The following PTPRN2 variants were observed in gnomAD, a reference collection of about 807,000 sequenced individuals.
PTPRN2 encodes receptor-type tyrosine-protein phosphatase N2.
A neutral mutation model predicts 118.8 loss-of-function variants in PTPRN2; 74 were observed. The observed-to-expected ratio is 0.62, with a 90% CI of 0.52 to 0.76. The LOEUF (loss-of-function observed/expected upper bound fraction) is 0.76. Among genes scored for constraint, PTPRN2 ranks in the 30% least tolerant of loss-of-function variants. The pLI, the probability that PTPRN2 is intolerant of heterozygous loss-of-function variation, is 0.00. For missense variants in PTPRN2, 1,481 were observed against 1,394.4 expected (o/e 1.06, Z -0.99); for synonymous variants, 641 against 608.0 (o/e 1.05, Z -0.80).
At chr7:157,725,244 C>A (rs994027088) in intron 12 of PTPRN2, among the ~76,000 whole-genome samples, 3 of 141,562 alleles carry the variant, frequency 2.1e-5, no homozygotes, top group African/African-American at 5.8e-5. Flanking sequence ...AACTGGATAT[C>A]CACATGCAGA....
At chr7:157,755,889 GAAA>G (rs1344157626) in intron 12 of PTPRN2, among the ~76,000 whole-genome samples, 1 of 152,068 alleles carries the variant, frequency 6.6e-6, no homozygotes, top group African/African-American at 2.4e-5. Flanking sequence ...AAATAAATTT[GAAA>G]AAAAGAAGAA....
intron 11 of PTPRN2, among the ~76,000 whole-genome samples, chr7:157,908,593 A>G (rs1217097538): frequency 6.6e-6 from 1 of 152,088 alleles, no homozygotes; most frequent in Non-Finnish European, 1.5e-5. Context: ...AATCCCTTTC[A>G]CTTTTCCACG....
intron 3 of PTPRN2, among the ~76,000 whole-genome samples, chr7:158,292,724 T>C (rs1225626157): frequency 2.0e-5 from 3 of 152,234 alleles, no homozygotes; most frequent in African/African-American, 7.2e-5. Flanking sequence ...CAAGGTTAAG[T>C]ATCTGTGTAT....
intron 17 of PTPRN2, among the ~76,000 whole-genome samples, chr7:157,588,107 C>G (rs564535424): frequency 6.6e-6 from 1 of 152,208 alleles, no homozygotes; most frequent in Non-Finnish European, 1.5e-5. Flanking sequence ...ACATCCACTC[C>G]GCACCTGATG....
chr7:157,658,309 G>A (rs1795699245), intron 13 of PTPRN2, among the ~76,000 whole-genome samples: 1 of 152,168 alleles, frequency 6.6e-6, no homozygotes, highest in Non-Finnish European at 1.5e-5. Context: ...ATGTCCAAGA[G>A]CCCATGCAAG....
intron 12 of PTPRN2, among the ~76,000 whole-genome samples, chr7:157,776,484 TCCCTCTCCTTCTCC>T (rs1803272832): frequency 6.9e-6 from 1 of 144,846 alleles, no homozygotes; most frequent in African/African-American, 2.6e-5. Context: ...CCTCTCCTCC[TCCCTCTCCTTCTCC>T]CTCTCCTCCT....
chr7:158,419,100 C>A (rs6459879), intron 2 of PTPRN2, among the ~76,000 whole-genome samples: 24 of 152,014 alleles, frequency 1.6e-4, no homozygotes, highest in Admixed American at 1.0e-3. Flanking sequence ...GACTCTGACC[C>A]TCTTGCCATC....
chr7:158,385,773 T>G (rs529227837), intron 2 of PTPRN2, among the ~76,000 whole-genome samples: 1 of 152,162 alleles, frequency 6.6e-6, no homozygotes, highest in Non-Finnish European at 1.5e-5. Flanking sequence ...AGGAAGAAGA[T>G]GGGTTGGTGA....
intron 6 of PTPRN2, among the ~76,000 whole-genome samples, chr7:158,140,966 C>T (rs573999867): frequency 3.3e-5 from 5 of 152,326 alleles, no homozygotes; most frequent in African/African-American, 1.2e-4. Flanking sequence ...TCTCTACCTT[C>T]CCGAACGACA....
At chr7:157,593,262 G>A (rs2150559919) in intron 17 of PTPRN2, among the ~76,000 whole-genome samples, 1 of 150,794 alleles carries the variant, frequency 6.6e-6, no homozygotes, top group East Asian at 2.0e-4. Context: ...GTTGCGCGTG[G>A]ACACCGAGAG....
At chr7:158,150,494 C>G (rs999821544) in intron 6 of PTPRN2, among the ~76,000 whole-genome samples, 1 of 152,172 alleles carries the variant, frequency 6.6e-6, no homozygotes, top group Non-Finnish European at 1.5e-5. Flanking sequence ...CTGCACTGAC[C>G]TTCACTGCAA....
intron 2 of PTPRN2, among the ~76,000 whole-genome samples, chr7:158,326,969 A>G (rs1586273975): frequency 6.6e-6 from 1 of 151,020 alleles, no homozygotes; most frequent in South Asian, 2.1e-4. Context: ...ACACGCACAC[A>G]TTCACATGCA....
chr7:158,271,114 A>T (rs1224881548), intron 3 of PTPRN2, among the ~76,000 whole-genome samples: 1 of 135,580 alleles, frequency 7.4e-6, no homozygotes. Flanking sequence ...CTCCACCTGG[A>T]CCACCCCCTC....
chr7:157,906,032 C>T (rs1797752463), intron 11 of PTPRN2, among the ~76,000 whole-genome samples: 1 of 152,240 alleles, frequency 6.6e-6, no homozygotes, highest in Admixed American at 6.5e-5. Flanking sequence ...GGGTCAGCAT[C>T]TCCGGGTAAT....
intron 9 of PTPRN2, among the ~76,000 whole-genome samples, chr7:158,128,287 G>A (rs1817864594): frequency 6.6e-6 from 1 of 152,200 alleles, no homozygotes; most frequent in East Asian, 1.9e-4. Flanking sequence ...ACCTCACCTA[G>A]TGCATCACAC....
intron 16 of PTPRN2, among the ~76,000 whole-genome samples, chr7:157,595,745 C>T (rs1801298761): frequency 6.6e-6 from 1 of 152,178 alleles, no homozygotes; most frequent in South Asian, 2.1e-4. Context: ...GGTGGCATCT[C>T]CTGAACTGAG....
At chr7:158,145,208 T>A (rs536026537) in intron 6 of PTPRN2, among the ~76,000 whole-genome samples, 1 of 148,876 alleles carries the variant, frequency 6.7e-6, no homozygotes, top group East Asian at 2.0e-4. Flanking sequence ...TCGGCAAGGT[T>A]TCCCTCACAT....
chr7:157,907,051 G>A (rs1032126896), intron 11 of PTPRN2, among the ~76,000 whole-genome samples: 3 of 152,226 alleles, frequency 2.0e-5, no homozygotes, highest in African/African-American at 7.2e-5. Context: ...AGCAGCCATG[G>A]AAGCTGTCAC....
rs1175764576 is a variant in PTPRN2, at chr7:158,489,738, T to C, written c.160A>G (p.Asn54Asp). Residue 54 changes from asparagine (N) to aspartate (D), a missense_variant, in exon 2 of 23, where the codon AAC (asparagine) becomes GAC (aspartate). Around this residue, in one of 3 missense-constraint regions of PTPRN2, gnomAD observed 1,115 missense variants for 994.2 expected, o/e 1.12. Transcript: ENST00000389418. ...GLCGASEACV[N>D]DGVFGRCQKV... ...GCAGCCAGGACCCCACACTCACCGTTCACACAGGCCTCGGACGCTCCGCAG... is the reference window on the plus strand; with the variant it reads ...GCAGCCAGGACCCCACACTCACCGTCCACACAGGCCTCGGACGCTCCGCAG... 1 of 1,582,582 alleles carries C rather than the reference T, an allele frequency of 6.3e-7. No individual in the cohort carries two copies. The highest frequency in any genetic ancestry group is 1.2e-5 in the South Asian group (1 of 86,624).
Sources: allele counts gnomAD v4.1 joint callset (sites outside exome capture counted in the v4.1 genomes callset), GRCh38; gene constraint gnomAD v4.1.1; regional missense constraint gnomAD v4.1.1; transcripts MANE v1.5; gene names NCBI Gene and HGNC (gene_info 2026-07-23, HGNC 2026-07-21).